Variants in SNX4 observed in about 807,000 individuals in gnomAD.
SNX4 encodes the protein sorting nexin 4.
In SNX4, 49 loss-of-function variants were observed where a neutral mutation model predicts 70.8. That is an observed-to-expected ratio of 0.69 (90% confidence interval 0.55 to 0.88). The LOEUF (loss-of-function observed/expected upper bound fraction) is 0.88. Among genes scored for constraint, SNX4 ranks in the 40% least tolerant of loss-of-function variants. The pLI, the probability that SNX4 is intolerant of heterozygous loss-of-function variation, is 0.00. For missense variants in SNX4, 528 were observed against 544.8 expected, an observed-to-expected ratio of 0.97 and a Z score of 0.31; for synonymous variants, 206 against 183.8, an observed-to-expected ratio of 1.12 and a Z score of -0.98.
intron 13 of SNX4, 78 bp from the exon 14 acceptor site, chr3:125,447,904 C>G: frequency 1.2e-6 from 1 of 853,892 alleles, no homozygotes; most frequent in Admixed American, 2.6e-5. Flanking sequence ...TAGTGGTACA[C>G]TAAGTTTTGC....
chr3:125,475,427 T>C (rs1206091158), intron 8 of SNX4, among the ~76,000 whole-genome samples: 1 of 152,126 alleles, frequency 6.6e-6, no homozygotes, highest in Non-Finnish European at 1.5e-5. Flanking sequence ...TGCACTGGTG[T>C]GATCTCAGCT....
At chr3:125,470,991 A>G (rs1025974917) in intron 8 of SNX4, among the ~76,000 whole-genome samples, 2 of 152,184 alleles carry the variant, frequency 1.3e-5, no homozygotes, top group Non-Finnish European at 2.9e-5. Context: ...AACCTCCAAC[A>G]GAGTCCTGTA....
At chr3:125,493,557 G>A (rs1934709254) in intron 5 of SNX4, among the ~76,000 whole-genome samples, 1 of 151,354 alleles carries the variant, frequency 6.6e-6, no homozygotes, top group South Asian at 2.1e-4. Context: ...GGGAGGCTGA[G>A]GTGGGAGAAT....
chr3:125,477,527 T>C (rs1216275401), intron 7 of SNX4, among the ~76,000 whole-genome samples: 2 of 152,152 alleles, frequency 1.3e-5, no homozygotes, highest in African/African-American at 4.8e-5. Flanking sequence ...CAAAAAGCTC[T>C]AGAAAAAATT....
At chr3:125,478,600 A>G (rs3772214) in intron 7 of SNX4, among the ~76,000 whole-genome samples, 69,542 of 151,694 alleles carry the variant, frequency 0.46, 16,086 homozygotes, top group Admixed American at 0.52. Context: ...TCCAGAGAAT[A>G]TATGATGGAA....
intron 7 of SNX4, among the ~76,000 whole-genome samples, chr3:125,479,158 A>T (rs1233577872): frequency 1.3e-5 from 2 of 152,180 alleles, no homozygotes; most frequent in East Asian, 3.8e-4. Flanking sequence ...AGCTTCAGTA[A>T]TTACTATATA....
intron 1 of SNX4, among the ~76,000 whole-genome samples, chr3:125,510,722 A>G (rs1935152297): frequency 6.6e-6 from 1 of 152,224 alleles, no homozygotes; most frequent in Non-Finnish European, 1.5e-5. Flanking sequence ...AATAGTCAAA[A>G]TCATACAGAC....
chr3:125,460,509 G>T (rs574316366), intron 10 of SNX4, among the ~76,000 whole-genome samples: 2 of 152,222 alleles, frequency 1.3e-5, no homozygotes, highest in East Asian at 3.9e-4. Context: ...CTTCAAACTG[G>T]AAAAAGTGGA....
intron 8 of SNX4, among the ~76,000 whole-genome samples, chr3:125,472,677 T>C (rs1474279848): frequency 2.6e-5 from 4 of 152,152 alleles, no homozygotes; most frequent in African/African-American, 2.4e-5. Context: ...GGTTTTGCAG[T>C]AGGACAAGTT....
intron 9 of SNX4, among the ~76,000 whole-genome samples, chr3:125,461,787 A>G (rs1933892055): frequency 2.0e-5 from 3 of 151,318 alleles, no homozygotes; most frequent in Admixed American, 2.0e-4. Context: ...TCAGCCTCCC[A>G]AGTAGCTGGG....
Position 125,469,456 on chromosome 3 carries a change from A to C in SNX4, c.852T>G (p.Asp284Glu). 2 of 1,611,516 alleles carry C rather than the reference A, an allele frequency of 1.2e-6. No individual in the cohort carries two copies. Among genetic ancestry groups the C allele is most frequent in the East Asian group, 2.2e-5 (1 of 44,834 alleles). Residue 284 changes from aspartate to glutamate, a missense_variant and splice_region_variant, in exon 9 of 14, where the codon GAT (aspartate) becomes GAG (glutamate). Physicochemically the swap from Asp to Glu is conservative, Grantham distance 45. Around this residue, in one of 3 missense-constraint regions of SNX4, gnomAD observed 28 missense variants for 60.0 expected, o/e 0.47. Transcript: ENST00000251775. ...DGLQSAGHHMDVYASSIDDIL... is the reference protein window; with the variant it reads ...DGLQSAGHHMEVYASSIDDIL... ...ACAAAAGTTCTCGAGGTACTTACACATCCATATGATGACCAGCACTCTGCA... is the reference window on the plus strand; with the variant it reads ...ACAAAAGTTCTCGAGGTACTTACACCTCCATATGATGACCAGCACTCTGCA...
intron 8 of SNX4, among the ~76,000 whole-genome samples, chr3:125,470,803 A>G (rs1405438082): frequency 1.3e-5 from 2 of 152,172 alleles, no homozygotes; most frequent in Non-Finnish European, 2.9e-5. Flanking sequence ...AATAGGTTCT[A>G]TTTGTTTATA....
At chr3:125,482,897 C>T (rs937368058) in intron 6 of SNX4, among the ~76,000 whole-genome samples, 1 of 152,060 alleles carries the variant, frequency 6.6e-6, no homozygotes, top group Non-Finnish European at 1.5e-5. Flanking sequence ...GAGTACAAAT[C>T]TCCCTTTATA....
chr3:125,460,773 C>T lies in SNX4; in HGVS notation c.942G>A (p.Leu314=). 1 of 1,507,662 alleles carries T rather than the reference C, an allele frequency of 6.6e-7. No individual in the cohort carries two copies. Among genetic ancestry groups the T allele is most frequent in the Non-Finnish European group, 9.0e-7 (1 of 1,113,526 alleles). 93.4% of individuals were successfully genotyped at this position (1,507,662 alleles called of 1,614,324 possible). A position where few individuals can be genotyped will look rare whatever the true frequency, so the allele number is the denominator to read the frequency against. The part of the protein sequence containing the change: ...LKEYLFYAEA[L]RAVCRKHELM... ...CCTGGAACTTTTATTAAACTTACCG[C>T]AATGCTTCTGCATAAAAAAGATACT... The change falls in exon 10 of 14, where the codon TTG becomes TTA. Residue 314 remains leucine (L), a splice_region_variant and synonymous_variant. Transcript: ENST00000251775.
At chr3:125,461,655 T>G (rs1225359921) in intron 9 of SNX4, among the ~76,000 whole-genome samples, 2 of 151,872 alleles carry the variant, frequency 1.3e-5, no homozygotes, top group Non-Finnish European at 2.9e-5. Context: ...AGAAGCTTAT[T>G]TTATACTAAT....
At position 125,520,127 on chromosome 3, in the gene SNX4, G is replaced by C; in HGVS notation, c.46C>G (p.Pro16Ala). The stretch of plus-strand genomic sequence containing the variant: ...TCTGGGGAGCCCAGCGGCTCCAAGG[G>C]CGCCGGCTGGAGCTGCCGCTCGGGG... ...PDPERQLQPAPLEPLGSPDAG... is the reference protein window; with the variant it reads ...PDPERQLQPAALEPLGSPDAG... Residue 16 changes from proline (P) to alanine (A), a missense_variant, in exon 1 of 14, where the codon CCC becomes GCC. Coordinates refer to ENST00000251775, the MANE Select transcript of SNX4 (RefSeq NM_003794.4). The C allele has an allele frequency of 6.8e-7, 1 of 1,471,002 alleles. No individual in the cohort carries two copies. The highest frequency in any genetic ancestry group is 9.0e-7 in the Non-Finnish European group (1 of 1,116,912). 91.1% of individuals were successfully genotyped at this position (1,471,002 alleles called of 1,614,324 possible).
At chr3:125,511,323 T>C (rs1935170954) in intron 1 of SNX4, among the ~76,000 whole-genome samples, 1 of 149,044 alleles carries the variant, frequency 6.7e-6, no homozygotes, top group African/African-American at 2.5e-5. Flanking sequence ...CTCTCAAAAG[T>C]CAAATATTAT....
At chr3:125,460,719 G>A (rs1933856066) in intron 10 of SNX4, 52 bp downstream of exon 10, 5 of 806,230 alleles carry the variant, frequency 6.2e-6, no homozygotes, top group Non-Finnish European at 1.0e-5. Context: ...TGGCATATGA[G>A]GAGAGTGGTG....
chr3:125,463,305 G>A (rs1046297722), intron 9 of SNX4, among the ~76,000 whole-genome samples: 1 of 152,192 alleles, frequency 6.6e-6, no homozygotes, highest in Non-Finnish European at 1.5e-5. Context: ...AGGAAAACCT[G>A]CCTTTAGTTC....
Sources: allele counts gnomAD v4.1 joint callset (sites outside exome capture counted in the v4.1 genomes callset), GRCh38; gene constraint gnomAD v4.1.1; regional missense constraint gnomAD v4.1.1; transcripts MANE v1.5; gene names NCBI Gene and HGNC (gene_info 2026-07-23, HGNC 2026-07-21).